The following DPY30 variants were observed in gnomAD, a reference collection of about 807,000 sequenced individuals.
DPY30 encodes the protein dpy-30 histone methyltransferase complex regulatory subunit, also known as protein dpy-30 homolog.
Under a neutral mutation model 16.2 loss-of-function variants are expected in DPY30, and 6 were observed. That is an observed-to-expected ratio of 0.37 (90% CI 0.20 to 0.73). The LOEUF (loss-of-function observed/expected upper bound fraction) is 0.73. DPY30 is among the 30% of genes least tolerant of loss of function. The probability of loss-of-function intolerance (pLI) is 0.51; values close to 1 mark genes in which losing one functional copy is unlikely to be tolerated. For synonymous variants in DPY30, 39 were observed against 38.8 expected (o/e 1.00, Z -0.02); for missense variants, 73 against 113.1 (o/e 0.65, Z 1.61).
intron 3 of DPY30, among the ~76,000 whole-genome samples, chr2:32,035,038 G>A (rs1000839266): frequency 1.3e-5 from 2 of 151,644 alleles, no homozygotes; most frequent in African/African-American, 4.8e-5. Flanking sequence ...GAACCCGGGA[G>A]GCAGAGGTTG....
chr2:32,029,687 T>C lies in DPY30; in HGVS notation c.134A>G (p.Lys45Arg), dbSNP rs1360058345. ...KINAEKSSKQ[K>R]VDLQSLPTRA... ...AGTTGGCAAAGACTGGAGATCTACCTTCTGCTTTGATGACTTTTCTGCATT... is the reference window on the plus strand; with the variant it reads ...AGTTGGCAAAGACTGGAGATCTACCCTCTGCTTTGATGACTTTTCTGCATT... The change falls in exon 4 of 5, where the codon AAG (lysine) becomes AGG (arginine). Residue 45 changes from lysine (K) to arginine (R), a missense_variant. Physicochemically the swap from Lys to Arg is conservative, Grantham distance 26 (BLOSUM62 2). Around this residue, in one of 3 missense-constraint regions of DPY30, gnomAD observed 52 missense variants for 71.5 expected, o/e 0.73. Coordinates refer to ENST00000342166, the MANE Select transcript of DPY30 (RefSeq NM_001321209.2). The C allele has an allele frequency of 6.2e-7, 1 of 1,614,038 alleles. No individual in the cohort carries two copies. Among genetic ancestry groups the C allele is most frequent in the Non-Finnish European group, 8.5e-7 (1 of 1,180,012 alleles).
At chr2:32,021,991 C>T (rs772206228), downstream of DPY30, among the ~76,000 whole-genome samples, 1 of 151,976 alleles carries the variant, frequency 6.6e-6, no homozygotes, top group Non-Finnish European at 1.5e-5. Flanking sequence ...GGGCAGATCA[C>T]CTGAGGTCAG....
chr2:32,033,132 G>A (rs1158808250), intron 3 of DPY30, among the ~76,000 whole-genome samples: 1 of 150,678 alleles, frequency 6.6e-6, no homozygotes, highest in Non-Finnish European at 1.5e-5. Flanking sequence ...CCAACATGGT[G>A]AAACCCCGCC....
At chr2:32,039,170 C>T (rs960398094) in intron 3 of DPY30, 109 bp downstream of exon 3, 2 of 1,345,402 alleles carry the variant, frequency 1.5e-6, no homozygotes, top group South Asian at 2.4e-5. Flanking sequence ...ATTCAGTTCA[C>T]GATAACAAAG....
At chr2:32,034,476 T>C (rs1381204599) in intron 3 of DPY30, among the ~76,000 whole-genome samples, 1 of 152,082 alleles carries the variant, frequency 6.6e-6, no homozygotes, top group Non-Finnish European at 1.5e-5. Flanking sequence ...CGGTAACTAA[T>C]AGAGTAAGAA....
At chr2:32,019,284 T>G (rs373160833), downstream of DPY30, among the ~76,000 whole-genome samples, 2 of 152,044 alleles carry the variant, frequency 1.3e-5, no homozygotes, top group South Asian at 4.2e-4. Context: ...TTTCATCTAC[T>G]AGCTAGATCA....
chr2:32,033,658 C>T lies in DPY30; in HGVS notation c.85-3922G>A, dbSNP rs374235209. Among the ~76,000 whole-genome samples, 3 of 152,240 alleles carry T rather than the reference C, an allele frequency of 2.0e-5. No individual in the cohort carries two copies. The East Asian group carries it at 5.8e-4, about 29-fold the overall frequency. On this transcript the variant is annotated intron_variant, in intron 3 of 4. Transcript: ENST00000342166. ...CAGCACTCCAGCCCAGCAACAAGAG[C>T]AAAACTCCGTCTCAAAACAAACAAA...
chr2:32,026,873 AGG>A, intron 4 of DPY30, among the ~76,000 whole-genome samples: 1 of 151,698 alleles, frequency 6.6e-6, no homozygotes, highest in Non-Finnish European at 1.5e-5. Flanking sequence ...TCTTCCCTAG[AGG>A]AAAAACAAAA....
intron 3 of DPY30, among the ~76,000 whole-genome samples, chr2:32,037,622 A>G (rs1675794573): frequency 6.6e-6 from 1 of 151,842 alleles, no homozygotes; most frequent in South Asian, 2.1e-4. Flanking sequence ...CAGTGGCACA[A>G]TCTTGGCTCA....
intron 3 of DPY30, among the ~76,000 whole-genome samples, chr2:32,034,850 T>C (rs992750500): frequency 1.3e-5 from 2 of 151,624 alleles, no homozygotes; most frequent in South Asian, 4.2e-4. Context: ...AATACAAAAA[T>C]TCGGCAGGCA....
Position 32,024,052 on chromosome 2 carries a change from T to C in DPY30, c.*132A>G. 6.7e-7 allele frequency: 1 copy of C among 1,498,834 alleles called. No homozygotes were observed. Among genetic ancestry groups the C allele is most frequent in the Non-Finnish European group, 8.8e-7 (1 of 1,131,950 alleles). 92.8% of individuals were successfully genotyped at this position (1,498,834 alleles called of 1,614,324 possible). ...AGGGAAATATGTTATCTTCTGCAATTCCAGAAATAGGTTCTGTTGTCCGGA... is the reference window on the plus strand; with the variant it reads ...AGGGAAATATGTTATCTTCTGCAATCCCAGAAATAGGTTCTGTTGTCCGGA... On this transcript the variant is annotated 3_prime_UTR_variant, in exon 5 of 5. Coordinates refer to ENST00000342166, the MANE Select transcript of DPY30 (RefSeq NM_001321209.2).
downstream of DPY30, chr2:32,023,659 A>C: frequency 8.7e-7 from 1 of 1,144,298 alleles, no homozygotes; most frequent in Non-Finnish European, 1.2e-6. Context: ...CTCCAACTTT[A>C]ATGTACATTA....
chr2:32,016,469 G>C (rs1427397468), intron 5 of DPY30, among the ~76,000 whole-genome samples: 1 of 152,072 alleles, frequency 6.6e-6, no homozygotes, highest in Non-Finnish European at 1.5e-5. Context: ...CTACAGTTTT[G>C]TATGCTCTTC....
chr2:32,032,469 A>G (rs1049815565), intron 3 of DPY30, among the ~76,000 whole-genome samples: 21 of 152,208 alleles, frequency 1.4e-4, no homozygotes, highest in African/African-American at 4.6e-4. Flanking sequence ...AAAACTTCAC[A>G]CTGATCACAA....
downstream of DPY30, among the ~76,000 whole-genome samples, chr2:32,019,125 G>C (rs150173498): frequency 3.3e-5 from 5 of 151,970 alleles, no homozygotes; most frequent in Non-Finnish European, 5.9e-5. Context: ...ACAGAGTCTC[G>C]CTCTATCACC....
downstream of DPY30, chr2:32,011,742 T>C (rs1229373092): frequency 6.6e-6 from 1 of 152,232 alleles, no homozygotes; most frequent in Non-Finnish European, 1.5e-5. Flanking sequence ...ATGAAAGTTT[T>C]GGGGCAAACA....
Position 32,030,578 on chromosome 2 carries a change from C to G in DPY30, c.85-842G>C, listed in dbSNP as rs555923688. On this transcript the variant is annotated intron_variant, in intron 3 of 4. Coordinates refer to ENST00000342166, the MANE Select transcript of DPY30 (RefSeq NM_001321209.2). ...CTGGGAGGCGGAGCTTGCAGTGAGC[C>G]GAGATCGCGCCACCACACTCCAGCC... 3.9e-3 allele frequency among the ~76,000 whole-genome samples: 581 copies of G among 149,696 alleles called. 8 individuals are homozygous for G. Among genetic ancestry groups the G allele is most frequent in the Non-Finnish European group, 3.8e-3 (259 of 67,796 alleles).
intron 3 of DPY30, among the ~76,000 whole-genome samples, chr2:32,034,894 G>T (rs934720218): frequency 3.3e-5 from 5 of 152,058 alleles, no homozygotes; most frequent in Admixed American, 3.3e-4. Context: ...AGCTACTCGG[G>T]AGGCTGAGGC....
At chr2:32,016,493 A>G (rs577961192) in intron 5 of DPY30, among the ~76,000 whole-genome samples, 6 of 152,302 alleles carry the variant, frequency 3.9e-5, no homozygotes, top group African/African-American at 1.2e-4. Context: ...AAACGATTCT[A>G]TCGCTTCTAA....
Sources: allele counts gnomAD v4.1 joint callset (sites outside exome capture counted in the v4.1 genomes callset), GRCh38; gene constraint gnomAD v4.1.1; regional missense constraint gnomAD v4.1.1; transcripts MANE v1.5; gene names NCBI Gene and HGNC (gene_info 2026-07-23, HGNC 2026-07-21).